The following LRRC31 variants were observed in gnomAD, a reference collection of about 807,000 sequenced individuals.
LRRC31 encodes leucine-rich repeat-containing protein 31.
In LRRC31, 35 loss-of-function variants were observed where a neutral mutation model predicts 46.7. That is an observed-to-expected ratio of 0.75 (90% CI 0.57 to 0.99). The LOEUF is 0.99. Ranked by LOEUF, LRRC31 falls within the 50% of genes least tolerant of loss-of-function variation. LRRC31 has a pLI of 0.00. For missense variants in LRRC31, 613 were observed against 626.1 expected (o/e 0.98, Z 0.22); for synonymous variants, 236 against 235.1 (o/e 1.00, Z -0.03).
rs756920945 is a variant in LRRC31 at position 169,848,104 on chromosome 3, A to C, written c.1327+16T>G. 7.5e-6 allele frequency: 12 copies of C among 1,603,866 alleles called. No homozygotes were observed. The highest frequency in any genetic ancestry group is 6.7e-5 in the Admixed American group (4 of 59,650). On this transcript the variant is annotated intron_variant, in intron 8 of 8. Coordinates refer to ENST00000316428, the MANE Select transcript of LRRC31 (RefSeq NM_024727.4). ...CTCTGTTTGCCAAGACCGCTTGGGA[A>C]CAAGTAGATACACACCCAGGAGAGC...
At chr3:169,861,857 G>T in intron 1 of LRRC31, 44 bp from the exon 2 acceptor site, 2 of 1,584,470 alleles carry the variant, frequency 1.3e-6, no homozygotes, top group Non-Finnish European at 1.7e-6. Context: ...AATGATGGAT[G>T]TATTAAAGAT....
chr3:169,859,415 C>A lies in LRRC31; in HGVS notation c.487+1146G>T, dbSNP rs184256858. ...GGCATGGGCCGGGGGACGTCAGCTGCCCCCATTTCCAGGGAGAGACTGACA... is the reference window on the plus strand; with the variant it reads ...GGCATGGGCCGGGGGACGTCAGCTGACCCCATTTCCAGGGAGAGACTGACA... On this transcript the variant is annotated intron_variant, in intron 3 of 8. Transcript: ENST00000316428. 1.4e-3 allele frequency among the ~76,000 whole-genome samples: 211 copies of A among 152,270 alleles called. 1 individual carries two copies. The highest frequency in any genetic ancestry group is 4.9e-3 in the African/African-American group (203 of 41,550).
At chr3:169,841,313 C>A (rs929258390) in intron 8 of LRRC31, among the ~76,000 whole-genome samples, 1 of 152,222 alleles carries the variant, frequency 6.6e-6, no homozygotes, top group Non-Finnish European at 1.5e-5. Flanking sequence ...ACAGCCAGGT[C>A]TCCCTTAAAC....
intron 3 of LRRC31, among the ~76,000 whole-genome samples, chr3:169,859,317 G>T (rs1336227636): frequency 1.4e-5 from 2 of 147,630 alleles, no homozygotes; most frequent in Non-Finnish European, 3.0e-5. Context: ...GGCCGGGGGG[G>T]CGGGTAGGCA....
At chr3:169,858,014 G>T (rs1243984597) in intron 3 of LRRC31, among the ~76,000 whole-genome samples, 1 of 152,118 alleles carries the variant, frequency 6.6e-6, no homozygotes, top group Non-Finnish European at 1.5e-5. Context: ...GTCTGCAGTG[G>T]TCATGGTACT....
chr3:169,856,543 G>C (rs1328536182), intron 4 of LRRC31, 40 bp from the exon 5 acceptor site: 1 of 1,533,988 alleles, frequency 6.5e-7, no homozygotes, highest in Admixed American at 2.0e-5. Flanking sequence ...GTAGGTAGGA[G>C]GGGAGTGGAG....
At chr3:169,861,488 C>T (rs1781157494) in intron 2 of LRRC31, among the ~76,000 whole-genome samples, 182 bp downstream of exon 2, 1 of 150,990 alleles carries the variant, frequency 6.6e-6, no homozygotes, top group Non-Finnish European at 1.5e-5. Context: ...CACTGCACTC[C>T]AGCCTGGGTG....
Position 169,861,765 on chromosome 3 carries a change from T to C in LRRC31, c.224A>G (p.Asn75Ser), listed in dbSNP as rs2108225402. 6.2e-7 allele frequency: 1 copy of C among 1,614,098 alleles called. No individual in the cohort carries two copies. Among genetic ancestry groups the C allele is most frequent in the East Asian group, 2.2e-5 (1 of 44,884 alleles). ...GCCCAGCTTCTGCAGGAAATGCTCATTTTTCTCCATACTGGATCTCCATTC... is the reference window on the plus strand; with the variant it reads ...GCCCAGCTTCTGCAGGAAATGCTCACTTTTCTCCATACTGGATCTCCATTC... ...EMEWRSSMEK[N>S]EHFLQKLGKK... Residue 75 changes from asparagine (N) to serine (S), a missense_variant, in exon 2 of 9, where the codon AAT (asparagine) becomes AGT (serine). Asn to Ser is a conservative substitution (Grantham distance 46, BLOSUM62 1). Transcript: ENST00000316428.
At chr3:169,856,304 T>C in intron 5 of LRRC31, 32 bp downstream of exon 5, 2 of 1,411,798 alleles carry the variant, frequency 1.4e-6, no homozygotes, top group Non-Finnish European at 1.9e-6. Flanking sequence ...TAATTATACA[T>C]GTAATCTTAA....
chr3:169,855,328 G>A lies in LRRC31; in HGVS notation c.824-348C>T, dbSNP rs150991269. On this transcript the variant is annotated intron_variant, in intron 5 of 8. Transcript: ENST00000316428. Reference sequence around the variant, plus strand: ...GGTGGGGCCATGGTGCAGTAAGGGAGGTTGAGGGAACACACTGTGTTCACA... The same window carrying A: ...GGTGGGGCCATGGTGCAGTAAGGGAAGTTGAGGGAACACACTGTGTTCACA... Among the ~76,000 whole-genome samples, 303 of 152,240 alleles carry A rather than the reference G, an allele frequency of 2.0e-3. 4 individuals are homozygous for A. Among genetic ancestry groups the A allele is most frequent in the African/African-American group, 6.9e-3 (287 of 41,532 alleles).
At chr3:169,868,384 T>A (rs1422338719) in intron 1 of LRRC31, among the ~76,000 whole-genome samples, 2 of 152,234 alleles carry the variant, frequency 1.3e-5, no homozygotes, top group African/African-American at 4.8e-5. Context: ...TGCCTCCAAA[T>A]CGAAGACTTC....
intron 1 of LRRC31, among the ~76,000 whole-genome samples, chr3:169,862,072 A>C (rs1781184267): frequency 6.6e-6 from 1 of 152,196 alleles, no homozygotes; most frequent in Non-Finnish European, 1.5e-5. Flanking sequence ...GCTTCTCAGC[A>C]TGAAGACAGA....
At chr3:169,853,549 G>T in intron 6 of LRRC31, 1 of 985,782 alleles carries the variant, frequency 1.0e-6, no homozygotes, top group Non-Finnish European at 1.2e-6. Context: ...TGTACCAAGG[G>T]AATCTGGTGG....
intron 7 of LRRC31, among the ~76,000 whole-genome samples, chr3:169,849,106 T>A (rs900431502): frequency 2.0e-5 from 3 of 152,248 alleles, no homozygotes; most frequent in Admixed American, 2.0e-4. Context: ...TAATTCTCAG[T>A]TGCCCCCAAT....
chr3:169,862,423 G>T (rs576524836), intron 1 of LRRC31, among the ~76,000 whole-genome samples: 8 of 152,156 alleles, frequency 5.3e-5, no homozygotes, highest in Non-Finnish European at 8.8e-5. Flanking sequence ...TGTTATTAGG[G>T]ACTACTGTGG....
intron 3 of LRRC31, among the ~76,000 whole-genome samples, chr3:169,857,401 C>CACATAT (rs1169028661): frequency 2.6e-5 from 2 of 78,292 alleles, no homozygotes; most frequent in Admixed American, 1.5e-4. Context: ...TACATACACA[C>CACATAT]ACATATACAT....
chr3:169,842,024 G>A (rs1780466253), intron 8 of LRRC31, among the ~76,000 whole-genome samples: 4 of 151,982 alleles, frequency 2.6e-5, no homozygotes. Context: ...TAGCCTGGGT[G>A]ACACAGCAAG....
chr3:169,845,946 T>TTA (rs1477289223), intron 8 of LRRC31, among the ~76,000 whole-genome samples: 6 of 152,098 alleles, frequency 3.9e-5, no homozygotes, highest in Non-Finnish European at 8.8e-5. Context: ...TAATAGCAAA[T>TTA]TATATTTCTG....
At chr3:169,860,533 C>T in intron 3 of LRRC31, 28 bp downstream of exon 3, 1 of 1,613,286 alleles carries the variant, frequency 6.2e-7, no homozygotes, top group South Asian at 1.1e-5. Flanking sequence ...CGGCCGAATC[C>T]ATCTTTTAAG....
Sources: gnomAD v4.1 joint callset for allele counts (sites outside exome capture counted in the v4.1 genomes callset) on GRCh38, gnomAD v4.1.1 for gene constraint, MANE v1.5 for transcripts, NCBI Gene and HGNC (gene_info 2026-07-23, HGNC 2026-07-21) for gene names.